The following CCSER1 variants were observed in gnomAD, a reference collection of about 807,000 sequenced individuals.
The protein encoded by CCSER1 is serine-rich coiled-coil domain-containing protein 1.
CCSER1 carries 41 observed loss-of-function variants against 82.0 expected under a neutral mutation model. The ratio of observed to expected loss-of-function variants is 0.50; its 90% CI spans 0.39 to 0.65. CCSER1 has a LOEUF of 0.65. CCSER1 is among the 30% of genes least tolerant of loss of function. The probability of loss-of-function intolerance (pLI) is 0.00; values close to 1 mark genes in which losing one functional copy is unlikely to be tolerated. For synonymous variants in CCSER1, 414 were observed against 383.9 expected (o/e 1.08, Z -0.92); for missense variants, 1,119 against 1,064.2 (o/e 1.05, Z -0.72).
intron 3 of CCSER1, among the ~76,000 whole-genome samples, chr4:90,385,604 C>T (rs979774639): frequency 3.6e-4 from 55 of 151,650 alleles, no homozygotes; most frequent in Middle Eastern, 3.4e-3. Context: ...GGACTACAGG[C>T]GCTCACCACC....
At chr4:91,521,055 C>T (rs1331766289) in intron 10 of CCSER1, among the ~76,000 whole-genome samples, 2 of 152,090 alleles carry the variant, frequency 1.3e-5, no homozygotes, top group African/African-American at 2.4e-5. Context: ...CCCTGACAGG[C>T]CCCGGTGTGT....
At chr4:90,268,637 G>T (rs1331839855) in intron 1 of CCSER1, among the ~76,000 whole-genome samples, 2 of 151,960 alleles carry the variant, frequency 1.3e-5, no homozygotes, top group Non-Finnish European at 2.9e-5. Context: ...AAAGAAGGAA[G>T]TGGGACCACA....
At chr4:90,296,697 A>G (rs1281938414) in intron 1 of CCSER1, among the ~76,000 whole-genome samples, 1 of 152,182 alleles carries the variant, frequency 6.6e-6, no homozygotes, top group Non-Finnish European at 1.5e-5. Flanking sequence ...ATCCAGTTTC[A>G]GCTTTCTACA....
At chr4:90,359,551 A>G (rs1419726132) in intron 3 of CCSER1, among the ~76,000 whole-genome samples, 1 of 151,900 alleles carries the variant, frequency 6.6e-6, no homozygotes, top group East Asian at 1.9e-4. Context: ...CAGCCTGGCA[A>G]GGATGGTGAA....
intron 10 of CCSER1, among the ~76,000 whole-genome samples, chr4:91,222,224 G>A (rs2149101474): frequency 6.6e-6 from 1 of 151,136 alleles, no homozygotes; most frequent in Admixed American, 6.6e-5. Flanking sequence ...GGCAGCATAT[G>A]CAGGAAGGTG....
Position 91,598,450 on chromosome 4 carries a change from T to C in CCSER1, c.2218-122T>C, listed in dbSNP as rs2110361206. ...TCCCATGGTTAATTGTATTGATAAT[T>C]TTATAAACCTCATTGAAAATTTACG... On this transcript the variant is annotated intron_variant, in intron 10 of 10. Coordinates refer to ENST00000509176, the MANE Select transcript of CCSER1 (RefSeq NM_001145065.2). 8 of 1,034,264 alleles carry C rather than the reference T, an allele frequency of 7.7e-6. No homozygotes were observed. In the South Asian group the frequency reaches 1.4e-4, roughly 17 times the overall value. The allele number at this position is 1,034,264 out of a possible 1,614,324, so 64.1% of individuals were successfully genotyped here.
intron 10 of CCSER1, among the ~76,000 whole-genome samples, chr4:91,448,128 A>T (rs1281392685): frequency 6.6e-6 from 1 of 152,054 alleles, no homozygotes; most frequent in African/African-American, 2.4e-5. Context: ...TTCTGGTCCA[A>T]ATTAATCGGT....
At chr4:90,304,771 A>C (rs1198754227) in intron 1 of CCSER1, among the ~76,000 whole-genome samples, 1 of 152,164 alleles carries the variant, frequency 6.6e-6, no homozygotes, top group African/African-American at 2.4e-5. Context: ...CACATTGCGC[A>C]CATGTACCCT....
chr4:90,886,926 A>G (rs1364054639), intron 8 of CCSER1, among the ~76,000 whole-genome samples: 1 of 152,224 alleles, frequency 6.6e-6, no homozygotes. Context: ...GTTTTTCAGT[A>G]TCCAACAAGT....
At chr4:91,506,288 C>CT in intron 10 of CCSER1, among the ~76,000 whole-genome samples, 1 of 152,242 alleles carries the variant, frequency 6.6e-6, no homozygotes, top group African/African-American at 2.4e-5. Flanking sequence ...TTCCATTGGT[C>CT]TATGTGTCTG....
rs1435118172 is a variant in CCSER1, at chr4:91,415,208, C to T, written c.2218-183364C>T. ...AGTTCATTCATGATTTGGCTGTCTGCTTGCCTCTTGTTGATGTGTATGAAT... is the reference window on the plus strand; with the variant it reads ...AGTTCATTCATGATTTGGCTGTCTGTTTGCCTCTTGTTGATGTGTATGAAT... On this transcript the variant is annotated intron_variant, in intron 10 of 10. Coordinates refer to ENST00000509176, the MANE Select transcript of CCSER1 (RefSeq NM_001145065.2). 3.9e-5 allele frequency among the ~76,000 whole-genome samples: 6 copies of T among 152,186 alleles called. No homozygotes were observed. The South Asian group carries it at 1.0e-3, about 26-fold the overall frequency.
At chr4:91,242,378 C>G (rs919172547) in intron 10 of CCSER1, among the ~76,000 whole-genome samples, 5 of 152,134 alleles carry the variant, frequency 3.3e-5, no homozygotes, top group African/African-American at 1.2e-4. Context: ...TGTAGAAAAG[C>G]AAACACTAAA....
chr4:90,915,897 G>C (rs1256615417), intron 8 of CCSER1, among the ~76,000 whole-genome samples: 2 of 151,990 alleles, frequency 1.3e-5, no homozygotes, highest in Non-Finnish European at 2.9e-5. Flanking sequence ...CAAATCATGA[G>C]TGAACTCCCA....
intron 10 of CCSER1, among the ~76,000 whole-genome samples, chr4:91,168,946 A>C (rs1353108873): frequency 6.6e-6 from 1 of 152,116 alleles, no homozygotes; most frequent in East Asian, 1.9e-4. Flanking sequence ...CTCAGGGTTA[A>C]ATGGATTAAG....
intron 4 of CCSER1, among the ~76,000 whole-genome samples, chr4:90,467,340 T>C (rs891781938): frequency 1.3e-5 from 2 of 151,704 alleles, no homozygotes; most frequent in Admixed American, 6.6e-5. Context: ...GCTGAGATCA[T>C]GCCACTGCTC....
intron 4 of CCSER1, among the ~76,000 whole-genome samples, chr4:90,402,251 C>A (rs1361720303): frequency 6.6e-6 from 1 of 152,166 alleles, no homozygotes; most frequent in Non-Finnish European, 1.5e-5. Flanking sequence ...GAGGCAAATG[C>A]AATTGACATT....
intron 10 of CCSER1, among the ~76,000 whole-genome samples, chr4:91,551,897 A>G (rs758571535): frequency 6.6e-6 from 1 of 151,804 alleles, no homozygotes; most frequent in Non-Finnish European, 1.5e-5. Flanking sequence ...CAGAACTGTC[A>G]AACATCAACA....
At chr4:90,440,897 C>T (rs1055910403) in intron 4 of CCSER1, among the ~76,000 whole-genome samples, 3 of 152,002 alleles carry the variant, frequency 2.0e-5, no homozygotes, top group African/African-American at 7.3e-5. Context: ...AAGACACTTG[C>T]CCTATTCTCA....
chr4:90,167,847 G>C lies in CCSER1; in HGVS notation c.-42+40016G>C, dbSNP rs1730804442. On this transcript the variant is annotated intron_variant, in intron 1 of 10. Coordinates refer to ENST00000509176, the MANE Select transcript of CCSER1 (RefSeq NM_001145065.2). ...GCATAGTATTCCATGGTGTATATGT[G>C]CCACATTTTCTTAATCCAGTCTATC... is the stretch of plus-strand genomic sequence containing the variant. Among the ~76,000 whole-genome samples the C allele has an allele frequency of 1.3e-5, 2 of 151,946 alleles. 1 individual carries two copies. Among genetic ancestry groups the C allele is most frequent in the South Asian group, 4.2e-4 (2 of 4,816 alleles).
Sources: gnomAD v4.1 joint callset for allele counts (sites outside exome capture counted in the v4.1 genomes callset) on GRCh38, gnomAD v4.1.1 for gene constraint, MANE v1.5 for transcripts, NCBI Gene and HGNC (gene_info 2026-07-23, HGNC 2026-07-21) for gene names.